Variants in MICALL1 observed in about 807,000 individuals in gnomAD.
MICALL1 encodes the protein MICAL-like protein 1.
A neutral mutation model predicts 83.7 loss-of-function variants in MICALL1; 61 were observed. The observed-to-expected ratio is 0.73, with a 90% CI of 0.59 to 0.90. The LOEUF (loss-of-function observed/expected upper bound fraction) is 0.90, where lower values mean the gene tolerates loss of function less well. Ranked by LOEUF, MICALL1 falls within the 40% of genes least tolerant of loss-of-function variation. MICALL1 has a pLI of 0.00. For synonymous variants in MICALL1, 481 were observed against 473.6 expected, an observed-to-expected ratio of 1.02 and a Z score of -0.20; for missense variants, 1,066 against 1,152.0, an observed-to-expected ratio of 0.93 and a Z score of 1.08.
intron 15 of MICALL1, among the ~76,000 whole-genome samples, 160 bp from the exon 16 acceptor site, chr22:37,940,549 G>A (rs1021836650): frequency 2.6e-5 from 4 of 152,146 alleles, no homozygotes; most frequent in African/African-American, 9.7e-5. Flanking sequence ...ACAGAGGCTG[G>A]GAAAGGTGAG....
At chr22:37,908,602 A>G (rs1456986586) in intron 1 of MICALL1, among the ~76,000 whole-genome samples, 1 of 151,984 alleles carries the variant, frequency 6.6e-6, no homozygotes, top group Non-Finnish European at 1.5e-5. Flanking sequence ...GCCTGGCCCA[A>G]TAACAATGTT....
chr22:37,922,048 G>C lies in MICALL1; in HGVS notation c.646G>C (p.Glu216Gln). 1.9e-6 allele frequency: 3 copies of C among 1,613,458 alleles called. No homozygotes were observed. The highest frequency in any genetic ancestry group is 2.5e-6 in the Non-Finnish European group (3 of 1,179,970). Residue 216 changes from glutamate to glutamine, a missense_variant, in exon 6 of 16, where the codon GAA (glutamate) becomes CAA (glutamine). Coordinates refer to ENST00000215957, the MANE Select transcript of MICALL1 (RefSeq NM_033386.4). The part of the protein sequence containing the change: ...GPEEGTFVCA[E>Q]HCARLGPGTR... The stretch of plus-strand genomic sequence containing the variant: ...TGAGGAGGGCACCTTTGTGTGTGCA[G>C]AACACTGTGCCAGGCTGGGCCCGGG...
In MICALL1 at chr22:37,932,620, T is replaced by C; in HGVS notation, c.2084T>C (p.Leu695Pro). ...GAGATGGATACCATTGAGCGCCGGC[T>C]GGATGCCCTGGAGCACCGTGGGGTG... Reference protein sequence around the residue: ...HGEMDTIERRLDALEHRGVLL... With the variant: ...HGEMDTIERRPDALEHRGVLL... The change falls in exon 11 of 16, where the codon CTG becomes CCG. Residue 695 changes from leucine (L) to proline (P), a missense_variant. Physicochemically the swap from Leu to Pro is moderately conservative, Grantham distance 98. Coordinates refer to ENST00000215957, the MANE Select transcript of MICALL1 (RefSeq NM_033386.4). The surrounding 1 kb of genome is among the most constrained non-coding windows in gnomAD (Gnocchi z 4.4). 6.2e-7 allele frequency: 1 copy of C among 1,614,148 alleles called. No individual in the cohort carries two copies. The highest frequency in any genetic ancestry group is 8.5e-7 in the Non-Finnish European group (1 of 1,180,018).
At chr22:37,934,281 G>GA (rs772968477) in intron 13 of MICALL1, among the ~76,000 whole-genome samples, 9 of 152,304 alleles carry the variant, frequency 5.9e-5, no homozygotes, top group Non-Finnish European at 1.0e-4. Context: ...ATTGCTTGGG[G>GA]GCATCAGGCT....
chr22:37,931,430 T>A (rs1007918978), intron 9 of MICALL1, among the ~76,000 whole-genome samples: 2 of 151,142 alleles, frequency 1.3e-5, no homozygotes, highest in African/African-American at 2.4e-5. Context: ...GGTGCAAGCC[T>A]GTAGTCCCAG....
Position 37,924,369 on chromosome 22 carries a change from C to G in MICALL1, c.1025-291C>G, listed in dbSNP as rs1029128913. Among the ~76,000 whole-genome samples the G allele has an allele frequency of 2.6e-5, 4 of 152,178 alleles. No individual in the cohort carries two copies. On this transcript the variant is annotated intron_variant, in intron 6 of 15. Coordinates refer to ENST00000215957, the MANE Select transcript of MICALL1 (RefSeq NM_033386.4). The surrounding 1 kb of genome is among the most constrained non-coding windows in gnomAD (Gnocchi z 5.2). ...AGGACTTCCAGGAGGAGGTGGCTCC[C>G]AGGCTGACTTGAGATGATGTTTTCT...
At position 37,934,581 on chromosome 22, in the gene MICALL1, GTATT is replaced by G. The variant is rs1555927082; in HGVS notation, c.2308+1482_2308+1485del. 1.0e-4 allele frequency among the ~76,000 whole-genome samples: 15 copies of G among 148,410 alleles called. No homozygotes were observed. The Admixed American group carries it at 1.0e-3, about 10-fold the overall frequency. On this transcript the variant is annotated intron_variant, in intron 13 of 15. Coordinates refer to ENST00000215957, the MANE Select transcript of MICALL1 (RefSeq NM_033386.4). ...ATTTATTTATTTATTTTGGGGGGGG[GTATT>G]TATTTATTTATTATTATTATTTTTT...
Position 37,922,295 on chromosome 22 carries a change from C to T in MICALL1, c.893C>T (p.Ala298Val), listed in dbSNP as rs753724906. ...CTACAGGAGCTGGCCAGCCCCCCTG[C>T]GGGCCGCCCCACCCCTGCCCCCAGG... ...GKLQELASPP[A>V]GRPTPAPRKA... Residue 298 changes from alanine (A) to valine (V), a missense_variant, in exon 6 of 16, where the codon GCG (alanine) becomes GTG (valine). Ala to Val is a moderately conservative substitution (Grantham distance 64). Coordinates refer to ENST00000215957, the MANE Select transcript of MICALL1 (RefSeq NM_033386.4). 4.5e-5 allele frequency: 69 copies of T among 1,550,392 alleles called. No homozygotes were observed. Among genetic ancestry groups the T allele is most frequent in the Admixed American group, 3.9e-5 (2 of 51,578 alleles).
rs369045128 is a variant in MICALL1 at position 37,911,964 on chromosome 22, G to T, written c.159G>T (p.Ser53=). The T allele has an allele frequency of 6.2e-7, 1 of 1,614,054 alleles. No individual in the cohort carries two copies. The highest frequency in any genetic ancestry group is 1.3e-5 in the African/African-American group (1 of 75,000). Residue 53 remains serine (S), a synonymous_variant, in exon 2 of 16, where the codon TCG becomes TCT. Transcript: ENST00000215957. ...RHRPDLLDFD[S]LSKDNVFENN... is the part of the protein sequence containing the mutation. ...TTGCCTCTTGCAGAGATTTTGATTC[G>T]CTTTCCAAGGACAATGTCTTCGAGA...
intron 9 of MICALL1, 71 bp from the exon 10 acceptor site, chr22:37,931,728 A>G (rs1302574025): frequency 2.5e-6 from 4 of 1,581,684 alleles, no homozygotes; most frequent in Non-Finnish European, 3.4e-6. Flanking sequence ...CATGTTCCCA[A>G]ATATGAGGCT....
At chr22:37,933,704 C>A (rs1285926246) in intron 13 of MICALL1, among the ~76,000 whole-genome samples, 25 of 152,178 alleles carry the variant, frequency 1.6e-4, no homozygotes, top group Admixed American at 1.6e-3. Flanking sequence ...CAGCTGCAGG[C>A]AGAGACCCCA....
intron 9 of MICALL1, among the ~76,000 whole-genome samples, chr22:37,929,624 C>T (rs1929680209): frequency 6.6e-6 from 1 of 152,156 alleles, no homozygotes; most frequent in Non-Finnish European, 1.5e-5. Flanking sequence ...CCAGGCTGCT[C>T]CTGTTCCAGG....
At chr22:37,911,266 A>C (rs1309654271) in intron 1 of MICALL1, among the ~76,000 whole-genome samples, 4 of 152,178 alleles carry the variant, frequency 2.6e-5, no homozygotes, top group Non-Finnish European at 5.9e-5. Flanking sequence ...GCAGCTCCGG[A>C]GTATGTACAT....
intron 13 of MICALL1, 62 bp from the exon 14 acceptor site, chr22:37,937,018 T>C: frequency 7.1e-7 from 1 of 1,410,754 alleles, no homozygotes; most frequent in Non-Finnish European, 9.8e-7. Flanking sequence ...TGGCTCCTGG[T>C]GGCCTGGGGA....
chr22:37,911,862 C>T (rs1928342450), intron 1 of MICALL1, 90 bp from the exon 2 acceptor site: 1 of 1,295,598 alleles, frequency 7.7e-7, no homozygotes, highest in Non-Finnish European at 1.1e-6. Flanking sequence ...ACAAGGTCTT[C>T]TCTGTTCAGC....
intron 3 of MICALL1, among the ~76,000 whole-genome samples, chr22:37,915,856 G>A (rs1029606194): frequency 2.6e-5 from 4 of 151,776 alleles, no homozygotes; most frequent in South Asian, 2.1e-4. Flanking sequence ...TATGATGGCC[G>A]GTCTGGTCTG....
In MICALL1 at chr22:37,925,681, A is replaced by T; in HGVS notation, c.1103A>T (p.Asp368Val). ...TCCAGGACACCAGCCCCCAGGAAGG[A>T]CCCCCCATGGATCACGCTGGTGCAG... Reference protein sequence around the residue: ...PSEGTPAPRKDPPWITLVQAE... With the variant: ...PSEGTPAPRKVPPWITLVQAE... The change falls in exon 8 of 16, where the codon GAC becomes GTC. Residue 368 changes from aspartate (D) to valine (V), a missense_variant. Transcript: ENST00000215957. 1 of 1,475,020 alleles carries T rather than the reference A, an allele frequency of 6.8e-7. No individual in the cohort carries two copies. The highest frequency in any genetic ancestry group is 9.1e-7 in the Non-Finnish European group (1 of 1,095,330). The allele number at this position is 1,475,020 out of a possible 1,614,324, so 91.4% of individuals were successfully genotyped here. A position where few individuals can be genotyped will look rare whatever the true frequency, so the allele number is the denominator to read the frequency against.
intron 1 of MICALL1, among the ~76,000 whole-genome samples, chr22:37,910,043 C>T (rs1389596492): frequency 1.3e-5 from 2 of 152,172 alleles, no homozygotes; most frequent in African/African-American, 4.8e-5. Flanking sequence ...CCTTTGAGGG[C>T]GTGGACCATG....
At position 37,932,695 on chromosome 22, in the gene MICALL1, G is replaced by T; in HGVS notation, c.2143+16G>T. Reference sequence around the variant, plus strand: ...GGCCTGAATGGTGCGGGAGCGGCTGGGAGGGCCTGCTGGGTGGGGCTGGGG... The same window carrying T: ...GGCCTGAATGGTGCGGGAGCGGCTGTGAGGGCCTGCTGGGTGGGGCTGGGG... On this transcript the variant is annotated intron_variant, in intron 11 of 15. Coordinates refer to ENST00000215957, the MANE Select transcript of MICALL1 (RefSeq NM_033386.4). The surrounding 1 kb of genome is among the most constrained non-coding windows in gnomAD (Gnocchi z 4.4). The T allele has an allele frequency of 1.2e-6, 2 of 1,612,930 alleles. No homozygotes were observed. Among genetic ancestry groups the T allele is most frequent in the South Asian group, 1.1e-5 (1 of 91,004 alleles).
Sources: allele counts gnomAD v4.1 joint callset (sites outside exome capture counted in the v4.1 genomes callset), GRCh38; gene constraint gnomAD v4.1.1; non-coding constraint Gnocchi (gnomAD v3.1); transcripts MANE v1.5; gene names NCBI Gene and HGNC (gene_info 2026-07-23, HGNC 2026-07-21).